RSRC1: variants seen among roughly 807,000 people sequenced by gnomAD.
The protein encoded by RSRC1 is arginine and serine rich coiled-coil 1.
A neutral mutation model predicts 49.1 loss-of-function variants in RSRC1; 39 were observed. The observed-to-expected ratio is 0.79, with a 90% CI of 0.61 to 1.04. The LOEUF (loss-of-function observed/expected upper bound fraction) is 1.04. Among genes scored for constraint, RSRC1 ranks in the 50% least tolerant of loss-of-function variants. The pLI is 0.00. For synonymous variants in RSRC1, 143 were observed against 130.8 expected, an observed-to-expected ratio of 1.09 and a Z score of -0.63; for missense variants, 388 against 402.4, an observed-to-expected ratio of 0.96 and a Z score of 0.31.
intron 6 of RSRC1, among the ~76,000 whole-genome samples, chr3:158,387,083 T>G (rs2108288723): frequency 6.6e-6 from 1 of 151,846 alleles, no homozygotes; most frequent in East Asian, 1.9e-4. Flanking sequence ...AAAAAAAAAG[T>G]GGTTGGTTTA....
intron 5 of RSRC1, among the ~76,000 whole-genome samples, chr3:158,326,493 G>A (rs989212186): frequency 6.6e-6 from 1 of 152,056 alleles, no homozygotes; most frequent in Non-Finnish European, 1.5e-5. Context: ...ATAATCATGT[G>A]GTTTTTGTCT....
intron 5 of RSRC1, among the ~76,000 whole-genome samples, chr3:158,307,201 T>C (rs1354983937): frequency 6.6e-6 from 1 of 151,910 alleles, no homozygotes; most frequent in Non-Finnish European, 1.5e-5. Flanking sequence ...TGTTTACTGC[T>C]TTTACTTGGA....
Position 158,544,376 on chromosome 3 carries a change from G to A in RSRC1, c.*101G>A. The A allele has an allele frequency of 1.5e-6, 1 of 667,956 alleles. No individual in the cohort carries two copies. Among genetic ancestry groups the A allele is most frequent in the Non-Finnish European group, 2.5e-6 (1 of 395,138 alleles). The allele number at this position is 667,956 out of a possible 1,614,324, so 41.4% of individuals were successfully genotyped here. Reference sequence around the variant, plus strand: ...TTTTACTCTTAAAAAGAATTTTGCTGATTATATATAAAGGTAGTCTCATTT... The same window carrying A: ...TTTTACTCTTAAAAAGAATTTTGCTAATTATATATAAAGGTAGTCTCATTT... On this transcript the variant is annotated 3_prime_UTR_variant, in exon 10 of 10. Transcript: ENST00000611884.
chr3:158,253,007 T>C (rs1559962732), intron 4 of RSRC1, among the ~76,000 whole-genome samples: 1 of 150,986 alleles, frequency 6.6e-6, no homozygotes, highest in South Asian at 2.1e-4. Flanking sequence ...GTTTTCTTAA[T>C]TTTCTTTCTT....
At chr3:158,413,608 T>C (rs1033032148) in intron 6 of RSRC1, among the ~76,000 whole-genome samples, 18 of 149,900 alleles carry the variant, frequency 1.2e-4, no homozygotes, top group African/African-American at 4.4e-4. Context: ...AGGTCTAATA[T>C]CCAGAATGTA....
chr3:158,239,967 AC>A (rs1320571925), intron 4 of RSRC1, among the ~76,000 whole-genome samples: 1 of 152,218 alleles, frequency 6.6e-6, no homozygotes, highest in East Asian at 1.9e-4. Flanking sequence ...TTCCAAAAAA[AC>A]AACTTGTTTG....
intron 7 of RSRC1, among the ~76,000 whole-genome samples, chr3:158,468,311 C>T (rs1737980821): frequency 6.6e-6 from 1 of 152,276 alleles, no homozygotes; most frequent in African/African-American, 2.4e-5. Context: ...AAAGCCTATA[C>T]CACTTACCAT....
chr3:158,118,615 T>C (rs1715037810), intron 1 of RSRC1, among the ~76,000 whole-genome samples: 1 of 152,230 alleles, frequency 6.6e-6, no homozygotes, highest in Non-Finnish European at 1.5e-5. Flanking sequence ...GAAGTTTTCT[T>C]CTGTATGTTC....
At chr3:158,270,273 C>T (rs1725432063) in intron 4 of RSRC1, among the ~76,000 whole-genome samples, 1 of 152,150 alleles carries the variant, frequency 6.6e-6, no homozygotes, top group Admixed American at 6.5e-5. Context: ...AAGGAGGCTG[C>T]AGCAGGGCAG....
chr3:158,186,660 CT>C (rs1376265707), intron 3 of RSRC1, among the ~76,000 whole-genome samples: 1 of 151,868 alleles, frequency 6.6e-6, no homozygotes. Flanking sequence ...AACATATGGG[CT>C]TATCTGGATC....
intron 6 of RSRC1, among the ~76,000 whole-genome samples, chr3:158,376,192 T>G (rs1732362787): frequency 7.5e-6 from 1 of 133,172 alleles, no homozygotes; most frequent in African/African-American, 2.7e-5. Flanking sequence ...TTCCTTTCGT[T>G]TTTTTTTTTT....
chr3:158,473,324 T>G (rs893908635), intron 7 of RSRC1, among the ~76,000 whole-genome samples: 3 of 152,142 alleles, frequency 2.0e-5, no homozygotes, highest in Non-Finnish European at 2.9e-5. Flanking sequence ...CATGGAATAC[T>G]ATGCAGCCAT....
At chr3:158,518,480 A>G (rs1373524103) in intron 7 of RSRC1, among the ~76,000 whole-genome samples, 1 of 151,754 alleles carries the variant, frequency 6.6e-6, no homozygotes. Context: ...GATCTCAACA[A>G]TACATTTAAT....
At chr3:158,425,173 G>A (rs1578461387) in intron 6 of RSRC1, among the ~76,000 whole-genome samples, 1 of 151,896 alleles carries the variant, frequency 6.6e-6, no homozygotes, top group East Asian at 1.9e-4. Context: ...TGTGATGTTA[G>A]GGTGTCAATT....
At chr3:158,301,671 G>A (rs1168117119) in intron 5 of RSRC1, among the ~76,000 whole-genome samples, 1 of 152,168 alleles carries the variant, frequency 6.6e-6, no homozygotes, top group Non-Finnish European at 1.5e-5. Context: ...CTATTAAAAA[G>A]AGTTCAAGAT....
chr3:158,318,123 ATTC>A (rs138835010), intron 5 of RSRC1, among the ~76,000 whole-genome samples: 2,483 of 152,108 alleles, frequency 0.016, 67 homozygotes, highest in African/African-American at 0.057. Context: ...GCCCAAGGCA[ATTC>A]TTCTTCCAGT....
intron 9 of RSRC1, among the ~76,000 whole-genome samples, chr3:158,543,866 A>G (rs1196627592): frequency 6.6e-6 from 1 of 152,136 alleles, no homozygotes; most frequent in African/African-American, 2.4e-5. Context: ...GCACATCACT[A>G]ACATCATACT....
At chr3:158,538,691 C>T (rs1023425100) in intron 8 of RSRC1, among the ~76,000 whole-genome samples, 4 of 151,830 alleles carry the variant, frequency 2.6e-5, no homozygotes, top group East Asian at 1.9e-4. Flanking sequence ...TTCAAGTCAA[C>T]GCCTCCAAGA....
At chr3:158,118,530 A>G (rs956151190) in intron 1 of RSRC1, among the ~76,000 whole-genome samples, 3 of 151,158 alleles carry the variant, frequency 2.0e-5, no homozygotes. Context: ...TATTCTCCAA[A>G]TGTTCCTCCT....
Sources: allele counts gnomAD v4.1 joint callset (sites outside exome capture counted in the v4.1 genomes callset), GRCh38; gene constraint gnomAD v4.1.1; transcripts MANE v1.5; gene names NCBI Gene and HGNC (gene_info 2026-07-23, HGNC 2026-07-21).